The following CEP170 variants were observed in gnomAD, a reference collection of about 807,000 sequenced individuals.
CEP170 encodes centrosomal protein of 170 kDa.
A neutral mutation model predicts 151.9 loss-of-function variants in CEP170; 21 were observed. The ratio of observed to expected loss-of-function variants is 0.14; its 90% CI spans 0.10 to 0.20. CEP170 has a LOEUF of 0.20. CEP170 is among the 10% of genes least tolerant of loss of function. CEP170 has a pLI of 1.00. For missense variants in CEP170, 964 were observed against 1,892.9 expected (o/e 0.51, Z 9.11); for synonymous variants, 356 against 648.8 (o/e 0.55, Z 6.86).
intron 16 of CEP170, among the ~76,000 whole-genome samples, chr1:243,139,471 T>G (rs1424997046): frequency 1.3e-5 from 2 of 151,910 alleles, no homozygotes; most frequent in African/African-American, 4.9e-5. Flanking sequence ...ATAGGCTGTA[T>G]GTTTTGCAAA....
chr1:243,175,987 G>A (rs1465031245), intron 10 of CEP170, among the ~76,000 whole-genome samples: 3 of 152,096 alleles, frequency 2.0e-5, no homozygotes, highest in Non-Finnish European at 4.4e-5. Context: ...TAGCAGAGAC[G>A]GGGTTTCACC....
intron 7 of CEP170, among the ~76,000 whole-genome samples, chr1:243,193,091 A>T (rs2060416241): frequency 6.6e-6 from 1 of 152,098 alleles, no homozygotes; most frequent in African/African-American, 2.4e-5. Flanking sequence ...ACCTAAGTTT[A>T]AAAAAATGTT....
chr1:243,246,370 T>A (rs1371406257), intron 1 of CEP170, among the ~76,000 whole-genome samples: 1 of 151,896 alleles, frequency 6.6e-6, no homozygotes, highest in Non-Finnish European at 1.5e-5. Context: ...TAGCTGGGAT[T>A]ACAGGTGTGC....
chr1:243,212,057 C>G, intron 3 of CEP170, 93 bp from the exon 4 acceptor site: 1 of 1,217,268 alleles, frequency 8.2e-7, no homozygotes, highest in Middle Eastern at 2.3e-4. Context: ...GAGTTAAAAG[C>G]ACATATCATA....
intron 14 of CEP170, among the ~76,000 whole-genome samples, chr1:243,146,870 C>T (rs1297627294): frequency 6.6e-6 from 1 of 152,002 alleles, no homozygotes; most frequent in Non-Finnish European, 1.5e-5. Context: ...TTACTTTGTG[C>T]ATGAGCAAAA....
chr1:243,197,887 A>T (rs1295996911), intron 7 of CEP170, among the ~76,000 whole-genome samples: 1 of 152,120 alleles, frequency 6.6e-6, no homozygotes, highest in Non-Finnish European at 1.5e-5. Flanking sequence ...GACAGAAACA[A>T]TAAAGCTGGG....
At chr1:243,248,979 C>A (rs1457197068) in intron 1 of CEP170, among the ~76,000 whole-genome samples, 1 of 152,130 alleles carries the variant, frequency 6.6e-6, no homozygotes, top group Non-Finnish European at 1.5e-5. Context: ...GCTTCCTTAC[C>A]TAATGCAAGT....
At chr1:243,204,409 G>A (rs2061271005) in intron 4 of CEP170, among the ~76,000 whole-genome samples, 1 of 152,104 alleles carries the variant, frequency 6.6e-6, no homozygotes, top group African/African-American at 2.4e-5. Context: ...CAATCATTTT[G>A]TGGGCCATTA....
chr1:243,184,335 T>C (rs1207288435), intron 10 of CEP170, among the ~76,000 whole-genome samples: 1 of 152,098 alleles, frequency 6.6e-6, no homozygotes, highest in Non-Finnish European at 1.5e-5. Context: ...AGGGTCCATG[T>C]TCTTAAATTG....
At chr1:243,177,098 T>C (rs2059304921) in intron 10 of CEP170, among the ~76,000 whole-genome samples, 1 of 152,234 alleles carries the variant, frequency 6.6e-6, no homozygotes, top group Admixed American at 6.5e-5. Flanking sequence ...TCAACTTTCA[T>C]GCAGATAAAT....
At chr1:243,197,070 C>T (rs1462305594) in intron 7 of CEP170, among the ~76,000 whole-genome samples, 1 of 152,032 alleles carries the variant, frequency 6.6e-6, no homozygotes, top group Non-Finnish European at 1.5e-5. Context: ...AAAAGACAGT[C>T]ATTGTAGTTT....
intron 1 of CEP170, among the ~76,000 whole-genome samples, chr1:243,231,852 G>A (rs148374281): frequency 6.6e-6 from 1 of 152,290 alleles, no homozygotes; most frequent in African/African-American, 2.4e-5. Context: ...GCTCATGCCT[G>A]TAATTCCAGC....
chr1:243,223,428 A>T (rs2062980308), intron 2 of CEP170, among the ~76,000 whole-genome samples: 1 of 152,222 alleles, frequency 6.6e-6, no homozygotes, highest in Admixed American at 6.5e-5. Context: ...AAGGAGTGTG[A>T]TAAACACAGA....
At chr1:243,212,163 AAC>A (rs2061867913) in intron 3 of CEP170, among the ~76,000 whole-genome samples, 199 bp from the exon 4 acceptor site, 1 of 152,202 alleles carries the variant, frequency 6.6e-6, no homozygotes. Context: ...TCTTACTGGT[AAC>A]ACACAAAGAA....
intron 11 of CEP170, among the ~76,000 whole-genome samples, chr1:243,171,789 T>G (rs2058863466): frequency 6.6e-6 from 1 of 152,338 alleles, no homozygotes; most frequent in South Asian, 2.1e-4. Context: ...GTAAATATTT[T>G]ATCAAAAATG....
At position 243,191,335 on chromosome 1, in the gene CEP170, G is replaced by A. The variant is rs1483268761; in HGVS notation, c.791C>T (p.Thr264Ile). Residue 264 changes from threonine (T) to isoleucine (I), a missense_variant, in exon 8 of 20, where the codon ACA becomes ATA. Physicochemically the swap from Thr to Ile is moderately conservative, Grantham distance 89. Transcript: ENST00000366542. ...TATATGGGAACTTGGCGTGTCTTTT[G>A]TTGGGATTTCATGAATAGTGCTTTC... ...ITESTIHEIP[T>I]KDTPSSHITG... is the part of the protein sequence containing the mutation. 15 of 1,613,014 alleles carry A rather than the reference G, an allele frequency of 9.3e-6. No individual in the cohort carries two copies. Among genetic ancestry groups the A allele is most frequent in the Non-Finnish European group, 1.2e-5 (14 of 1,179,562 alleles).
intron 1 of CEP170, among the ~76,000 whole-genome samples, chr1:243,232,066 C>T (rs979627870): frequency 1.3e-5 from 2 of 152,144 alleles, no homozygotes; most frequent in African/African-American, 4.8e-5. Context: ...CAAGCTCAAG[C>T]TCCAGGCTCC....
Position 243,185,991 on chromosome 1 carries a change from A to G in CEP170, c.1354T>C (p.Ser452Pro). The stretch of plus-strand genomic sequence containing the variant: ...AATGCAGTTTGTAGGAAGGGTATTG[A>G]CACCGATGGCTCCTCTGATTTCTGT... ...LKQKSEEPSV[S>P]IPFLQTALLR... Residue 452 changes from serine to proline, a missense_variant, in exon 10 of 20, where the codon TCA becomes CCA. Ser to Pro is a moderately conservative substitution (Grantham distance 74, BLOSUM62 -1). Coordinates refer to ENST00000366542, the MANE Select transcript of CEP170 (RefSeq NM_014812.3). The surrounding 1 kb of genome is among the most constrained non-coding windows in gnomAD (Gnocchi z 4.9). 4 of 1,613,716 alleles carry G rather than the reference A, an allele frequency of 2.5e-6. No individual in the cohort carries two copies. Among genetic ancestry groups the G allele is most frequent in the Middle Eastern group, 1.7e-4 (1 of 6,056 alleles).
At chr1:243,245,539 C>T (rs1235552933) in intron 1 of CEP170, among the ~76,000 whole-genome samples, 1 of 152,154 alleles carries the variant, frequency 6.6e-6, no homozygotes, top group South Asian at 2.1e-4. Flanking sequence ...CATGGTGAAA[C>T]CCCGTCTCTA....
Sources: gnomAD v4.1 joint callset for allele counts (sites outside exome capture counted in the v4.1 genomes callset) on GRCh38, gnomAD v4.1.1 for gene constraint, Gnocchi (gnomAD v3.1) non-coding constraint, MANE v1.5 for transcripts, NCBI Gene and HGNC (gene_info 2026-07-23, HGNC 2026-07-21) for gene names.